CENPU: variants seen among roughly 807,000 people sequenced by gnomAD.
CENPU encodes the protein KSHV latent nuclear antigen interacting protein 1.
In CENPU, 46 loss-of-function variants were observed where a neutral mutation model predicts 56.7. That is an observed-to-expected ratio of 0.81 (90% CI 0.64 to 1.04). The LOEUF is 1.04. Ranked by LOEUF, CENPU falls within the 50% of genes least tolerant of loss-of-function variation. The pLI is 0.00. For missense variants in CENPU, 510 were observed against 490.1 expected (o/e 1.04, Z -0.38); for synonymous variants, 166 against 163.0 (o/e 1.02, Z -0.14).
chr4:184,713,133 G>C (rs1239156263), intron 6 of CENPU, 120 bp from the exon 7 acceptor site: 1 of 626,050 alleles, frequency 1.6e-6, no homozygotes, highest in Non-Finnish European at 2.7e-6. Context: ...GCACATGCCT[G>C]TAATCCCAGC....
At chr4:184,731,631 T>C (rs1195401733) in intron 1 of CENPU, among the ~76,000 whole-genome samples, 1 of 152,194 alleles carries the variant, frequency 6.6e-6, no homozygotes, top group African/African-American at 2.4e-5. Flanking sequence ...TCAGTGAATA[T>C]GTACAGACTA....
At chr4:184,731,495 GAT>G (rs2150233787) in intron 1 of CENPU, among the ~76,000 whole-genome samples, 1 of 152,226 alleles carries the variant, frequency 6.6e-6, no homozygotes, top group South Asian at 2.1e-4. Context: ...AGCTTCAAAT[GAT>G]AAAGTTGTAT....
intron 1 of CENPU, among the ~76,000 whole-genome samples, chr4:184,732,738 T>A (rs994284484): frequency 1.3e-5 from 2 of 152,124 alleles, no homozygotes; most frequent in African/African-American, 4.8e-5. Flanking sequence ...GCGCGGTGGC[T>A]CATGCCTGTA....
Position 184,694,218 on chromosome 4 carries a change from TCCA to T in CENPU, c.*1067_*1069del. Reference sequence around the variant, plus strand: ...TTCTGATTTGTCTTCAGCTGGACTGTCCACTTGTTAAAAAATTAAATCCACCCT... The same window carrying T: ...TTCTGATTTGTCTTCAGCTGGACTGTCTTGTTAAAAAATTAAATCCACCCT... On this transcript the variant is annotated 3_prime_UTR_variant, in exon 13 of 13. Transcript: ENST00000281453. 6.4e-6 allele frequency: 7 copies of T among 1,090,046 alleles called. No individual in the cohort carries two copies. The highest frequency in any genetic ancestry group is 7.8e-6 in the Non-Finnish European group (7 of 894,886). The allele number at this position is 1,090,046 out of a possible 1,614,324, so 67.5% of individuals were successfully genotyped here. A position where few individuals can be genotyped will look rare whatever the true frequency, so the allele number is the denominator to read the frequency against.
chr4:184,724,671 T>C (rs1460264886), intron 4 of CENPU, among the ~76,000 whole-genome samples: 1 of 152,258 alleles, frequency 6.6e-6, no homozygotes, highest in Admixed American at 6.5e-5. Context: ...TAACATTCTA[T>C]GCTTGTAAAA....
chr4:184,724,919 T>G (rs376537248), intron 4 of CENPU, 38 bp downstream of exon 4: 5 of 1,309,374 alleles, frequency 3.8e-6, no homozygotes, highest in African/African-American at 3.0e-5. Flanking sequence ...GAAATCCCAT[T>G]AACCATGAAT....
rs183507398 is a variant in CENPU at position 184,734,068 on chromosome 4, C to A, written c.-6G>T. ...CGCCGCCCCCGCGGGGCCATGGTGC[C>A]GCTCTCCGCTCTCGAGCGACTGGAA... On this transcript the variant is annotated 5_prime_UTR_variant, in exon 1 of 13. Coordinates refer to ENST00000281453, the MANE Select transcript of CENPU (RefSeq NM_024629.4). 3.5e-5 allele frequency: 55 copies of A among 1,550,602 alleles called. No individual in the cohort carries two copies. The highest frequency in any genetic ancestry group is 2.5e-4 in the South Asian group (21 of 84,708).
chr4:184,717,323 C>T (rs549469972), intron 4 of CENPU, 127 bp from the exon 5 acceptor site: 2 of 686,386 alleles, frequency 2.9e-6, no homozygotes, highest in Admixed American at 4.8e-5. Flanking sequence ...TTGTCACATA[C>T]AAGTCTGCCA....
Position 184,725,050 on chromosome 4 carries a change from T to G in CENPU, c.227A>C (p.His76Pro). Residue 76 changes from histidine to proline, a missense_variant, in exon 4 of 13, where the codon CAT (histidine) becomes CCT (proline). Transcript: ENST00000281453. ...ETYETFDPPL[H>P]STAIYADEEE... ...TTCATCAGCATATATAGCTGTGCTA[T>G]GTAAAGGAGGATCTTTCAAAAGACA... 6.2e-7 allele frequency: 1 copy of G among 1,604,898 alleles called. No homozygotes were observed.
chr4:184,716,502 T>C lies in CENPU; in HGVS notation c.513A>G (p.Ser171=). 1 of 1,614,208 alleles carries C rather than the reference T, an allele frequency of 6.2e-7. No homozygotes were observed. The highest frequency in any genetic ancestry group is 8.5e-7 in the Non-Finnish European group (1 of 1,180,030). ...RHEVIRTTAS[S]ELSEKPAESV... is the part of the protein sequence containing the mutation. ...ACTCAGCTGGTTTCTCTGAAAGTTCTGAAGACGCTGTGGTTCGAATAACCT... is the reference window on the plus strand; with the variant it reads ...ACTCAGCTGGTTTCTCTGAAAGTTCCGAAGACGCTGTGGTTCGAATAACCT... Residue 171 remains serine, a synonymous_variant, in exon 6 of 13, where the codon TCA becomes TCG. Transcript: ENST00000281453.
intron 4 of CENPU, among the ~76,000 whole-genome samples, chr4:184,718,312 C>T (rs1020684257): frequency 9.9e-5 from 15 of 152,244 alleles, no homozygotes; most frequent in Non-Finnish European, 2.2e-4. Flanking sequence ...GTAGGCACTG[C>T]AGTGCAGTCT....
chr4:184,724,899 G>C, intron 4 of CENPU, 58 bp downstream of exon 4: 1 of 1,117,876 alleles, frequency 8.9e-7, no homozygotes, highest in Non-Finnish European at 1.3e-6. Flanking sequence ...CTATCTTAAA[G>C]AGTTTCTCAG....
chr4:184,718,971 C>G (rs1350996588), intron 4 of CENPU, among the ~76,000 whole-genome samples: 2 of 152,100 alleles, frequency 1.3e-5, no homozygotes, highest in Admixed American at 6.5e-5. Flanking sequence ...AACGGTGGCA[C>G]ACAGGTAGTT....
At chr4:184,733,154 G>T in intron 1 of CENPU, 2 of 173,818 alleles carry the variant, frequency 1.2e-5, no homozygotes, top group Non-Finnish European at 2.3e-5. Flanking sequence ...TGACATTGAA[G>T]GCTGACATTC....
chr4:184,704,862 GCA>G (rs1760670476), intron 8 of CENPU, among the ~76,000 whole-genome samples: 1 of 152,074 alleles, frequency 6.6e-6, no homozygotes, highest in Non-Finnish European at 1.5e-5. Flanking sequence ...TTAACAAGTT[GCA>G]CACAGTTAAC....
intron 6 of CENPU, among the ~76,000 whole-genome samples, chr4:184,713,620 ATGG>A (rs1002168636): frequency 3.3e-5 from 5 of 152,226 alleles, no homozygotes; most frequent in African/African-American, 1.2e-4. Context: ...TGTTCCAGCT[ATGG>A]TGAAGTAACA....
At chr4:184,723,064 C>T (rs992591815) in intron 4 of CENPU, among the ~76,000 whole-genome samples, 6 of 152,062 alleles carry the variant, frequency 3.9e-5, no homozygotes, top group African/African-American at 1.2e-4. Context: ...AATGGCACTC[C>T]CAGTGGCACT....
Position 184,713,028 on chromosome 4 carries a change from AG to A in CENPU, c.619-16del. ...TTCTGAGTTTTCTACAAAAAAAAAA[AG>A]CATTAAGTTTTTAAGAAAAGTTTTC... On this transcript the variant is annotated splice_polypyrimidine_tract_variant and intron_variant, in intron 6 of 12. Transcript: ENST00000281453. 1 of 1,469,604 alleles carries A rather than the reference AG, an allele frequency of 6.8e-7. No homozygotes were observed. The highest frequency in any genetic ancestry group is 9.3e-7 in the Non-Finnish European group (1 of 1,077,080). 91.0% of individuals were successfully genotyped at this position (1,469,604 alleles called of 1,614,324 possible).
intron 1 of CENPU, among the ~76,000 whole-genome samples, chr4:184,733,808 G>A (rs1021390690): frequency 2.0e-5 from 3 of 152,220 alleles, no homozygotes; most frequent in Admixed American, 6.5e-5. Context: ...CACCCGCCAG[G>A]CAGTGTTAGG....
Sources: gnomAD v4.1 joint callset for allele counts (sites outside exome capture counted in the v4.1 genomes callset) on GRCh38, gnomAD v4.1.1 for gene constraint, MANE v1.5 for transcripts, NCBI Gene and HGNC (gene_info 2026-07-23, HGNC 2026-07-21) for gene names.